The following ELL variants were observed in gnomAD, a reference collection of about 807,000 sequenced individuals.
ELL encodes elongation factor for RNA polymerase II.
ELL carries 18 observed loss-of-function variants against 64.0 expected under a neutral mutation model. The ratio of observed to expected loss-of-function variants is 0.28; its 90% CI spans 0.19 to 0.42. ELL has a LOEUF of 0.42. ELL is among the 10% of genes least tolerant of loss of function. The probability of loss-of-function intolerance (pLI) is 1.00; values close to 1 mark genes in which losing one functional copy is unlikely to be tolerated. For missense variants in ELL, 797 were observed against 870.4 expected (o/e 0.92, Z 1.06); for synonymous variants, 399 against 376.2 (o/e 1.06, Z -0.70).
chr19:18,503,259 G>GC (rs1975818376), intron 1 of ELL, among the ~76,000 whole-genome samples: 1 of 152,246 alleles, frequency 6.6e-6, no homozygotes, highest in South Asian at 2.1e-4. Context: ...CTGGGAGGGA[G>GC]CACCCCCACC....
At chr19:18,491,382 G>A (rs1047291609) in intron 1 of ELL, among the ~76,000 whole-genome samples, 1 of 147,810 alleles carries the variant, frequency 6.8e-6, no homozygotes, top group Non-Finnish European at 1.5e-5. Context: ...TAAAATGCTG[G>A]GATTACAGGT....
chr19:18,451,729 G>T, intron 6 of ELL, 81 bp from the exon 7 acceptor site: 1 of 1,128,208 alleles, frequency 8.9e-7, no homozygotes, highest in Non-Finnish European at 1.2e-6. Context: ...TGGGGGCCCG[G>T]TGGAGATGCC....
intron 1 of ELL, among the ~76,000 whole-genome samples, chr19:18,484,515 C>G (rs1202364184): frequency 6.6e-6 from 1 of 152,088 alleles, no homozygotes; most frequent in African/African-American, 2.4e-5. Flanking sequence ...GTAATGCGCA[C>G]CTGCAGTCCC....
chr19:18,475,152 A>G (rs1304851595), intron 1 of ELL, among the ~76,000 whole-genome samples: 1 of 152,206 alleles, frequency 6.6e-6, no homozygotes, highest in Non-Finnish European at 1.5e-5. Flanking sequence ...GAATTTGGTT[A>G]AACACAGACA....
Position 18,449,849 on chromosome 19 carries a change from G to A in ELL, c.1465+628C>T, listed in dbSNP as rs1016101280. On this transcript the variant is annotated intron_variant, in intron 8 of 11. Transcript: ENST00000262809. This position sits in a 1 kb window ranked among gnomAD's most constrained non-coding sequence, Gnocchi z 4.4. The stretch of plus-strand genomic sequence containing the variant: ...CAGGCTCATGGCCACGGTGCTAGGC[G>A]GGTGCTACTGCTGCTCAGTTTAGGT... 6.6e-5 allele frequency among the ~76,000 whole-genome samples: 10 copies of A among 152,218 alleles called. No individual in the cohort carries two copies. The highest frequency in any genetic ancestry group is 4.1e-4 in the South Asian group (2 of 4,828).
intron 6 of ELL, among the ~76,000 whole-genome samples, chr19:18,456,256 G>A (rs560447220): frequency 6.6e-6 from 1 of 152,224 alleles, no homozygotes; most frequent in African/African-American, 2.4e-5. Context: ...CAGCCTGCGG[G>A]GGCCGTGGTG....
intron 1 of ELL, among the ~76,000 whole-genome samples, chr19:18,504,668 C>T (rs998816727): frequency 2.0e-5 from 3 of 152,172 alleles, no homozygotes; most frequent in Non-Finnish European, 4.4e-5. Flanking sequence ...ACCTGAGGCT[C>T]GACTTTAAAT....
At chr19:18,461,067 T>A (rs1974801845) in intron 5 of ELL, among the ~76,000 whole-genome samples, 1 of 152,174 alleles carries the variant, frequency 6.6e-6, no homozygotes, top group Non-Finnish European at 1.5e-5. Context: ...ACATTCCAGA[T>A]GGCCTAGCCT....
chr19:18,496,237 G>A (rs567434718), intron 1 of ELL, among the ~76,000 whole-genome samples: 1 of 152,336 alleles, frequency 6.6e-6, no homozygotes, highest in East Asian at 1.9e-4. Context: ...CCATGCCTGA[G>A]TGTGTGGGCG....
intron 8 of ELL, 123 bp downstream of exon 8, chr19:18,450,354 G>A: frequency 2.7e-6 from 4 of 1,456,492 alleles, no homozygotes; most frequent in Non-Finnish European, 3.6e-6. Context: ...GATGGGGCCT[G>A]GGGCAACAGG....
chr19:18,505,876 C>A (rs961656334), intron 1 of ELL, among the ~76,000 whole-genome samples: 2 of 152,172 alleles, frequency 1.3e-5, no homozygotes, highest in Non-Finnish European at 2.9e-5. Context: ...TGACCCCACA[C>A]AGCAGAGGGA....
At chr19:18,519,104 T>C (rs1023230142) in intron 1 of ELL, among the ~76,000 whole-genome samples, 1 of 152,012 alleles carries the variant, frequency 6.6e-6, no homozygotes, top group Non-Finnish European at 1.5e-5. Context: ...TGGTCACGCC[T>C]GTAATCCCAG....
Position 18,447,128 on chromosome 19 carries a change from C to T in ELL, c.1466-314G>A, listed in dbSNP as rs561267178. On this transcript the variant is annotated intron_variant, in intron 8 of 11. Transcript: ENST00000262809. Reference sequence around the variant, plus strand: ...AGTCACATTCTTGGCAAACAGCGGACAGGTCAGGGAACTGCAGGGCCAAAG... The same window carrying T: ...AGTCACATTCTTGGCAAACAGCGGATAGGTCAGGGAACTGCAGGGCCAAAG... Among the ~76,000 whole-genome samples, 133 of 152,354 alleles carry T rather than the reference C, an allele frequency of 8.7e-4. 1 individual carries two copies. Among genetic ancestry groups the T allele is most frequent in the Non-Finnish European group, 1.6e-3 (108 of 68,024 alleles).
chr19:18,511,171 G>A (rs1219506786), intron 1 of ELL, among the ~76,000 whole-genome samples: 1 of 152,094 alleles, frequency 6.6e-6, no homozygotes, highest in African/African-American at 2.4e-5. Context: ...GGAGGCTGAG[G>A]TAGGAGAATG....
At chr19:18,481,656 C>G (rs1349291652) in intron 1 of ELL, among the ~76,000 whole-genome samples, 2 of 152,202 alleles carry the variant, frequency 1.3e-5, no homozygotes, top group East Asian at 3.8e-4. Context: ...TCTGCTGTGG[C>G]CATGATTCAG....
At chr19:18,493,582 G>A (rs1044369015) in intron 1 of ELL, among the ~76,000 whole-genome samples, 6 of 152,236 alleles carry the variant, frequency 3.9e-5, no homozygotes, top group East Asian at 1.9e-4. Flanking sequence ...CCGGCAACCC[G>A]ACAGGCAAGG....
At chr19:18,453,370 T>C (rs1974582135) in intron 6 of ELL, among the ~76,000 whole-genome samples, 1 of 152,190 alleles carries the variant, frequency 6.6e-6, no homozygotes, top group Non-Finnish European at 1.5e-5. Context: ...GCTATACAAA[T>C]GGCTAAAAGC....
In ELL at chr19:18,494,888, T is replaced by A. The variant is rs1361151714; in HGVS notation, c.136-22006A>T. 3.3e-5 allele frequency among the ~76,000 whole-genome samples: 5 copies of A among 152,166 alleles called. No individual in the cohort carries two copies. In the East Asian group the frequency reaches 9.6e-4, roughly 29 times the overall value. On this transcript the variant is annotated intron_variant, in intron 1 of 11. Coordinates refer to ENST00000262809, the MANE Select transcript of ELL (RefSeq NM_006532.4). ...CCTCCACTTCCCTAGCCGGGTGGCA[T>A]CTGGACAACTCTACCCTGTACCTCT...
chr19:18,465,352 T>A, intron 4 of ELL, 60 bp downstream of exon 4: 1 of 1,533,232 alleles, frequency 6.5e-7, no homozygotes, highest in Non-Finnish European at 8.8e-7. Flanking sequence ...AGGCCCCAAA[T>A]GTCTCCCGAC....
Sources: allele counts gnomAD v4.1 joint callset (sites outside exome capture counted in the v4.1 genomes callset), GRCh38; gene constraint gnomAD v4.1.1; non-coding constraint Gnocchi (gnomAD v3.1); transcripts MANE v1.5; gene names NCBI Gene and HGNC (gene_info 2026-07-23, HGNC 2026-07-21).